Variants in PDE4B observed in about 807,000 individuals in gnomAD.
PDE4B encodes phosphodiesterase 4B.
In PDE4B, 20 loss-of-function variants were observed where a neutral mutation model predicts 82.2. The observed-to-expected ratio is 0.24, with a 90% CI of 0.17 to 0.35. The LOEUF (loss-of-function observed/expected upper bound fraction) is 0.35, where lower values mean the gene tolerates loss of function less well. Ranked by LOEUF, PDE4B falls within the 10% of genes least tolerant of loss-of-function variation. The pLI, the probability that PDE4B is intolerant of heterozygous loss-of-function variation, is 1.00. For synonymous variants in PDE4B, 320 were observed against 318.9 expected (o/e 1.00, Z -0.04); for missense variants, 655 against 907.2 (o/e 0.72, Z 3.57).
At chr1:65,893,624 T>C (rs995255282) in intron 1 of PDE4B, among the ~76,000 whole-genome samples, 1 of 152,028 alleles carries the variant, frequency 6.6e-6, no homozygotes, top group African/African-American at 2.4e-5. Flanking sequence ...TACCATTCAA[T>C]CCAGCAGTCC....
intron 1 of PDE4B, among the ~76,000 whole-genome samples, chr1:65,857,441 T>G (rs1021062464): frequency 1.3e-5 from 2 of 152,212 alleles, no homozygotes; most frequent in Non-Finnish European, 2.9e-5. Flanking sequence ...ATTTTTATTT[T>G]TTAGAGCCAG....
intron 3 of PDE4B, among the ~76,000 whole-genome samples, chr1:66,203,278 A>G (rs2101543530): frequency 6.6e-6 from 1 of 152,138 alleles, no homozygotes; most frequent in South Asian, 2.1e-4. Context: ...GCTGCCCTTA[A>G]CATTTTTTCC....
intron 3 of PDE4B, among the ~76,000 whole-genome samples, chr1:65,926,221 G>C (rs1647491501): frequency 6.6e-6 from 1 of 152,144 alleles, no homozygotes; most frequent in African/African-American, 2.4e-5. Context: ...CTTACACTTT[G>C]ACTTGCTATT....
chr1:66,157,484 T>C (rs1351354056), intron 3 of PDE4B, among the ~76,000 whole-genome samples: 1 of 152,168 alleles, frequency 6.6e-6, no homozygotes, highest in Non-Finnish European at 1.5e-5. Context: ...CTGTTCAAAC[T>C]TAGTTCTACC....
intron 3 of PDE4B, among the ~76,000 whole-genome samples, chr1:66,076,071 A>C (rs1490071979): frequency 1.3e-5 from 2 of 150,788 alleles, no homozygotes; most frequent in Non-Finnish European, 3.0e-5. Flanking sequence ...GTACATGTGC[A>C]AGTTTGTTAT....
chr1:65,968,837 G>A (rs1349208143), intron 3 of PDE4B, among the ~76,000 whole-genome samples: 3 of 152,076 alleles, frequency 2.0e-5, no homozygotes. Context: ...CATATAGTGA[G>A]TCATATTGTC....
intron 3 of PDE4B, among the ~76,000 whole-genome samples, chr1:66,027,784 G>A (rs1336149680): frequency 3.3e-5 from 5 of 152,160 alleles, no homozygotes; most frequent in Non-Finnish European, 5.9e-5. Flanking sequence ...GCTCCAAAAC[G>A]ATCCCTGACT....
intron 3 of PDE4B, among the ~76,000 whole-genome samples, chr1:65,998,646 A>T (rs1651687634): frequency 6.6e-6 from 1 of 152,156 alleles, no homozygotes; most frequent in African/African-American, 2.4e-5. Context: ...ATTATGGTTT[A>T]TGGAAACTGG....
chr1:66,285,630 C>G (rs1170030998), intron 7 of PDE4B, among the ~76,000 whole-genome samples: 1 of 152,096 alleles, frequency 6.6e-6, no homozygotes, highest in East Asian at 1.9e-4. Flanking sequence ...TTCACTGAGG[C>G]TAGTGGCCTC....
At chr1:66,368,282 T>G in intron 15 of PDE4B, 1 of 494,788 alleles carries the variant, frequency 2.0e-6, no homozygotes, top group Non-Finnish European at 3.5e-6. Flanking sequence ...AACTGCTTAT[T>G]AGTTATATAA....
intron 7 of PDE4B, among the ~76,000 whole-genome samples, chr1:66,300,931 T>C (rs1424831275): frequency 6.6e-6 from 1 of 152,210 alleles, no homozygotes; most frequent in Non-Finnish European, 1.5e-5. Flanking sequence ...TACTGATAAA[T>C]AATATTTAAG....
intron 3 of PDE4B, among the ~76,000 whole-genome samples, chr1:66,075,873 G>A (rs573114398): frequency 4.6e-4 from 69 of 149,936 alleles, no homozygotes; most frequent in African/African-American, 1.5e-3. Context: ...TTTTAATGCC[G>A]GCAACTCATT....
rs555424170 is a variant in PDE4B at position 65,799,033 on chromosome 1, A to G, written c.-71+5785A>G. On this transcript the variant is annotated intron_variant, in intron 1 of 16. Transcript: ENST00000341517. ...TTTAACCTTAGAGAAAGTAAATGACATTATTTCCATAAGCAACTTGCTGAT... is the reference window on the plus strand; with the variant it reads ...TTTAACCTTAGAGAAAGTAAATGACGTTATTTCCATAAGCAACTTGCTGAT... Among the ~76,000 whole-genome samples, 6 of 152,332 alleles carry G rather than the reference A, an allele frequency of 3.9e-5. No homozygotes were observed. The South Asian group carries it at 6.2e-4, about 16-fold the overall frequency.
intron 7 of PDE4B, among the ~76,000 whole-genome samples, chr1:66,326,687 T>C (rs1002594794): frequency 1.3e-5 from 2 of 152,238 alleles, no homozygotes; most frequent in Admixed American, 6.5e-5. Flanking sequence ...TTTCTGTGGA[T>C]AGAAAGTGTG....
intron 1 of PDE4B, among the ~76,000 whole-genome samples, chr1:65,829,096 A>G (rs1023991490): frequency 5.3e-5 from 8 of 152,206 alleles, no homozygotes; most frequent in African/African-American, 1.7e-4. Context: ...AAAGAATTAT[A>G]TAAGTTAAAT....
At chr1:66,064,709 T>C (rs1655754883) in intron 3 of PDE4B, among the ~76,000 whole-genome samples, 1 of 151,976 alleles carries the variant, frequency 6.6e-6, no homozygotes, top group African/African-American at 2.4e-5. Flanking sequence ...TTTTACTGAA[T>C]TCTTGGACAC....
At chr1:66,123,109 G>T (rs1645746959) in intron 3 of PDE4B, among the ~76,000 whole-genome samples, 1 of 152,026 alleles carries the variant, frequency 6.6e-6, no homozygotes, top group African/African-American at 2.4e-5. Flanking sequence ...CATTTGAAAA[G>T]ATCAGTATTT....
At chr1:66,160,449 TA>T (rs979567711) in intron 3 of PDE4B, among the ~76,000 whole-genome samples, 14 of 152,198 alleles carry the variant, frequency 9.2e-5, no homozygotes, top group African/African-American at 3.4e-4. Context: ...CCCCAACGCA[TA>T]AAAAGTTAAA....
At chr1:66,266,989 G>T in intron 7 of PDE4B, 1 of 194,350 alleles carries the variant, frequency 5.1e-6, no homozygotes, top group East Asian at 1.4e-4. Context: ...TTTCTCTCTT[G>T]GTTGTTGTGT....
Sources: gnomAD v4.1 joint callset for allele counts (sites outside exome capture counted in the v4.1 genomes callset) on GRCh38, gnomAD v4.1.1 for gene constraint, MANE v1.5 for transcripts, NCBI Gene and HGNC (gene_info 2026-07-23, HGNC 2026-07-21) for gene names.